ADCY10: variants seen among roughly 807,000 people sequenced by gnomAD.
The protein encoded by ADCY10 is adenylate cyclase 10, also known as adenylate cyclase type 10.
In ADCY10, 156 loss-of-function variants were observed where a neutral mutation model predicts 183.3. The ratio of observed to expected loss-of-function variants is 0.85; its 90% CI spans 0.75 to 0.97. The LOEUF is 0.97. Ranked by LOEUF, ADCY10 falls within the 50% of genes least tolerant of loss-of-function variation. ADCY10 has a pLI of 0.00. For missense variants in ADCY10, 1,745 were observed against 1,934.3 expected, an observed-to-expected ratio of 0.90 and a Z score of 1.84; for synonymous variants, 645 against 670.0, an observed-to-expected ratio of 0.96 and a Z score of 0.58.
At chr1:167,897,367 C>T (rs944208707) in intron 6 of ADCY10, among the ~76,000 whole-genome samples, 6 of 149,974 alleles carry the variant, frequency 4.0e-5, no homozygotes, top group Non-Finnish European at 8.9e-5. Flanking sequence ...TGTAGTGGCA[C>T]ATGTCTGTGG....
intron 12 of ADCY10, among the ~76,000 whole-genome samples, chr1:167,876,367 A>G (rs1272415805): frequency 6.6e-6 from 1 of 152,200 alleles, no homozygotes; most frequent in Non-Finnish European, 1.5e-5. Flanking sequence ...AACACAGGAT[A>G]CTGACAGTAT....
chr1:167,893,268 C>T (rs1668722158), intron 8 of ADCY10, among the ~76,000 whole-genome samples: 1 of 152,158 alleles, frequency 6.6e-6, no homozygotes, highest in Admixed American at 6.5e-5. Context: ...CCCGCATGTT[C>T]TTATATGCTT....
At chr1:167,819,090 ATT>A in intron 30 of ADCY10, among the ~76,000 whole-genome samples, 1 of 149,882 alleles carries the variant, frequency 6.7e-6, no homozygotes, top group African/African-American at 2.4e-5. Flanking sequence ...TCTCCAGGTG[ATT>A]TTTTTTTTAA....
chr1:167,910,557 C>A (rs1441543818), intron 1 of ADCY10, among the ~76,000 whole-genome samples: 1 of 152,134 alleles, frequency 6.6e-6, no homozygotes, highest in African/African-American at 2.4e-5. Flanking sequence ...CTACCTTCTC[C>A]TTGAGGTAGA....
In ADCY10 at chr1:167,823,424, CA is replaced by C. The variant is rs34394385; in HGVS notation, c.4053-302del. Among the ~76,000 whole-genome samples, 936 of 42,818 alleles carry C rather than the reference CA, an allele frequency of 0.022. 5 individuals are homozygous for C. Among genetic ancestry groups the C allele is most frequent in the African/African-American group, 0.069 (761 of 11,066 alleles). 28.1% of individuals were successfully genotyped at this position (42,818 alleles called of 152,430 possible). ...TGGGCAAAAGAGCGAAACTCCATCT[CA>C]AAAAAAAAAAAAAAAAAAAGCAGTG... On this transcript the variant is annotated intron_variant, in intron 28 of 32. Coordinates refer to ENST00000367851, the MANE Select transcript of ADCY10 (RefSeq NM_018417.6).
At position 167,878,522 on chromosome 1, in the gene ADCY10, C is replaced by A. The variant is rs1460136079; in HGVS notation, c.1330G>T (p.Glu444Ter). The change falls in exon 12 of 33, where the codon GAG becomes TAG. Residue 444 changes from glutamate (E) to a stop codon, truncating the protein, a stop_gained. Transcript: ENST00000367851. LOFTEE classifies it high-confidence loss of function. Reference sequence around the variant, plus strand: ...CCTTTCATAACTTTCTTTGGAAGCTCTTTAAAAAAGTACGCTGGTAGGTTG... The same window carrying A: ...CCTTTCATAACTTTCTTTGGAAGCTATTTAAAAAAGTACGCTGGTAGGTTG... ...GSNLPAYFFK[E>*]LPKKVMKGVA... 9.3e-6 allele frequency: 15 copies of A among 1,614,154 alleles called. No homozygotes were observed. The highest frequency in any genetic ancestry group is 1.3e-5 in the Non-Finnish European group (15 of 1,180,034).
intron 8 of ADCY10, among the ~76,000 whole-genome samples, chr1:167,885,006 A>C (rs970475876): frequency 2.6e-5 from 4 of 152,040 alleles, no homozygotes; most frequent in African/African-American, 9.7e-5. Flanking sequence ...CAATAGTTTT[A>C]ATTTTTAGCT....
At chr1:167,851,467 G>A (rs1191635619) in intron 18 of ADCY10, among the ~76,000 whole-genome samples, 3 of 152,128 alleles carry the variant, frequency 2.0e-5, no homozygotes, top group Admixed American at 6.5e-5. Flanking sequence ...GATTATAGGT[G>A]TGGGCCACTG....
intron 13 of ADCY10, among the ~76,000 whole-genome samples, chr1:167,873,445 C>T (rs1177201916): frequency 2.0e-5 from 3 of 152,278 alleles, no homozygotes; most frequent in Admixed American, 2.0e-4. Flanking sequence ...ACAGAGCCTC[C>T]TCTTAATTGC....
chr1:167,875,155 T>C lies in ADCY10; in HGVS notation c.1438A>G (p.Arg480Gly), dbSNP rs868464924. The C allele has an allele frequency of 1.9e-6, 3 of 1,614,224 alleles. No individual in the cohort carries two copies. Among genetic ancestry groups the C allele is most frequent in the Non-Finnish European group, 2.5e-6 (3 of 1,180,020 alleles). Residue 480 changes from arginine (R) to glycine (G), a missense_variant, in exon 13 of 33, where the codon AGA becomes GGA. Arg to Gly is a moderately radical substitution (Grantham distance 125). Coordinates refer to ENST00000367851, the MANE Select transcript of ADCY10 (RefSeq NM_018417.6). The part of the protein sequence containing the change: ...MFGMACLICN[R>G]KEDYPLLGRN... ...CCCAGCAAAGGGTAATCCTCCTTTC[T>C]GTTGCAGATGAGGCACGCCATACCA...
intron 13 of ADCY10, 97 bp from the exon 14 acceptor site, chr1:167,870,507 C>T: frequency 8.7e-7 from 1 of 1,145,348 alleles, no homozygotes; most frequent in Non-Finnish European, 1.3e-6. Context: ...TAAAAATATC[C>T]TTGGGCCAGG....
intron 29 of ADCY10, 109 bp downstream of exon 29, chr1:167,822,896 TCCA>T: frequency 6.6e-6 from 6 of 904,792 alleles, no homozygotes; most frequent in Non-Finnish European, 1.1e-5. Flanking sequence ...GCCCTGTAAG[TCCA>T]CCAGCCAGAA....
intron 13 of ADCY10, among the ~76,000 whole-genome samples, chr1:167,872,982 A>G (rs191588490): frequency 6.6e-6 from 1 of 151,932 alleles, no homozygotes; most frequent in Admixed American, 6.6e-5. Context: ...AGGCAGAAGA[A>G]TCGCTTGAAC....
At chr1:167,880,650 G>A (rs1667812887) in intron 9 of ADCY10, 41 bp from the exon 10 acceptor site, 1 of 1,485,914 alleles carries the variant, frequency 6.7e-7, no homozygotes, top group Non-Finnish European at 9.4e-7. Flanking sequence ...GATGGACAGT[G>A]TGCTTTAAAC....
intron 14 of ADCY10, among the ~76,000 whole-genome samples, chr1:167,861,309 C>A (rs966062309): frequency 5.3e-5 from 8 of 152,232 alleles, no homozygotes; most frequent in African/African-American, 1.9e-4. Context: ...TATACTACCA[C>A]AATAGCAAGC....
intron 5 of ADCY10, 92 bp downstream of exon 5, chr1:167,901,570 G>T: frequency 7.5e-7 from 1 of 1,325,674 alleles, no homozygotes; most frequent in Non-Finnish European, 1.1e-6. Flanking sequence ...GAGCCACCAT[G>T]TTCTACTACT....
At chr1:167,895,013 C>A (rs749257116) in intron 7 of ADCY10, among the ~76,000 whole-genome samples, 3 of 152,030 alleles carry the variant, frequency 2.0e-5, no homozygotes, top group African/African-American at 7.2e-5. Context: ...GAAACCCTGT[C>A]TCTACTAAAA....
At chr1:167,830,150 A>T (rs148422645) in intron 25 of ADCY10, among the ~76,000 whole-genome samples, 1 of 152,168 alleles carries the variant, frequency 6.6e-6, no homozygotes, top group South Asian at 2.1e-4. Context: ...TGAGTGTGAG[A>T]CAATACATAA....
intron 18 of ADCY10, among the ~76,000 whole-genome samples, chr1:167,849,883 G>A (rs1442423573): frequency 2.0e-5 from 3 of 152,202 alleles, no homozygotes; most frequent in African/African-American, 7.2e-5. Context: ...TACTTAGCGA[G>A]TTAGGGGAAT....
Sources: allele counts gnomAD v4.1 joint callset (sites outside exome capture counted in the v4.1 genomes callset), GRCh38; gene constraint gnomAD v4.1.1; transcripts MANE v1.5; gene names NCBI Gene and HGNC (gene_info 2026-07-23, HGNC 2026-07-21).